Variants in RALYL observed in about 807,000 individuals in gnomAD.
The protein encoded by RALYL is RALY RNA binding protein like.
A neutral mutation model predicts 35.1 loss-of-function variants in RALYL; 29 were observed. That is an observed-to-expected ratio of 0.83 (90% CI 0.61 to 1.13). The LOEUF (loss-of-function observed/expected upper bound fraction) is 1.13, where lower values mean the gene tolerates loss of function less well. RALYL is among the 50% of genes most tolerant of loss of function. RALYL has a pLI of 0.00. For missense variants in RALYL, 359 were observed against 360.4 expected, an observed-to-expected ratio of 1.00 and a Z score of 0.03; for synonymous variants, 120 against 127.6, an observed-to-expected ratio of 0.94 and a Z score of 0.40.
intron 2 of RALYL, among the ~76,000 whole-genome samples, chr8:84,587,729 C>T (rs1252584613): frequency 6.6e-6 from 1 of 152,090 alleles, no homozygotes. Flanking sequence ...ATACAAAGAG[C>T]TGTTGAATGA....
At chr8:84,792,181 G>A (rs1319104937) in intron 3 of RALYL, among the ~76,000 whole-genome samples, 1 of 152,220 alleles carries the variant, frequency 6.6e-6, no homozygotes, top group Non-Finnish European at 1.5e-5. Context: ...TGGTACCCGG[G>A]TCCTTGTCCA....
At chr8:84,224,891 G>A (rs1222813157) in intron 1 of RALYL, among the ~76,000 whole-genome samples, 2 of 152,046 alleles carry the variant, frequency 1.3e-5, no homozygotes, top group South Asian at 2.1e-4. Flanking sequence ...TTCTGACCTC[G>A]TGCTCTGCCT....
intron 1 of RALYL, among the ~76,000 whole-genome samples, chr8:84,255,597 G>A (rs1409214350): frequency 6.6e-6 from 1 of 152,106 alleles, no homozygotes; most frequent in East Asian, 1.9e-4. Context: ...CCAGATTTAA[G>A]AGTCTGACAT....
chr8:84,328,030 G>A (rs1846134156), intron 1 of RALYL, among the ~76,000 whole-genome samples: 1 of 152,180 alleles, frequency 6.6e-6, no homozygotes, highest in Non-Finnish European at 1.5e-5. Flanking sequence ...TGAAAGCATG[G>A]ATGGGCTTTG....
At chr8:84,366,260 C>T (rs577520018) in intron 1 of RALYL, among the ~76,000 whole-genome samples, 52 of 152,220 alleles carry the variant, frequency 3.4e-4, no homozygotes, top group Non-Finnish European at 6.9e-4. Flanking sequence ...GCCATTAAAA[C>T]GTTGTATGAC....
intron 2 of RALYL, among the ~76,000 whole-genome samples, chr8:84,719,298 G>A (rs898165840): frequency 6.6e-6 from 1 of 152,168 alleles, no homozygotes; most frequent in Admixed American, 6.5e-5. Flanking sequence ...ACCTGTTGTA[G>A]CAACTAGAAA....
At chr8:84,760,316 C>T (rs1026994815) in intron 2 of RALYL, among the ~76,000 whole-genome samples, 5 of 151,750 alleles carry the variant, frequency 3.3e-5, no homozygotes, top group African/African-American at 9.7e-5. Context: ...AATTAGGAGA[C>T]CTATAGAACA....
chr8:84,704,439 A>C (rs1840776859), intron 2 of RALYL, among the ~76,000 whole-genome samples: 1 of 135,980 alleles, frequency 7.4e-6, no homozygotes, highest in African/African-American at 3.0e-5. Flanking sequence ...GCCCCCCAAT[A>C]CACACAGACA....
chr8:84,415,149 A>ATTCTGC (rs1403941770), intron 1 of RALYL, among the ~76,000 whole-genome samples: 1 of 139,854 alleles, frequency 7.2e-6, no homozygotes, highest in Non-Finnish European at 1.5e-5. Flanking sequence ...TCACTCTAAT[A>ATTCTGC]TTCTGCCTCT....
chr8:84,717,434 CAG>C (rs537098957), intron 2 of RALYL, among the ~76,000 whole-genome samples: 12 of 152,048 alleles, frequency 7.9e-5, no homozygotes, highest in Non-Finnish European at 1.8e-4. Context: ...AATTAATCAA[CAG>C]TTGTAGTAAT....
intron 1 of RALYL, among the ~76,000 whole-genome samples, chr8:84,209,348 A>G (rs1423538441): frequency 6.6e-6 from 1 of 152,114 alleles, no homozygotes; most frequent in Non-Finnish European, 1.5e-5. Flanking sequence ...AAAGCTTTTT[A>G]GTTTTACTTT....
intron 1 of RALYL, among the ~76,000 whole-genome samples, chr8:84,260,149 C>CT (rs900956858): frequency 7.9e-5 from 12 of 152,086 alleles, no homozygotes; most frequent in Admixed American, 3.3e-4. Flanking sequence ...ATTTCTGATA[C>CT]TTTTTTCTGT....
chr8:84,815,416 A>G (rs943606891), intron 4 of RALYL, among the ~76,000 whole-genome samples: 105 of 147,954 alleles, frequency 7.1e-4, no homozygotes, highest in African/African-American at 2.2e-3. Flanking sequence ...TACTATTTAT[A>G]TATTTATTAA....
intron 1 of RALYL, among the ~76,000 whole-genome samples, chr8:84,406,746 A>G (rs1451527077): frequency 6.6e-6 from 1 of 152,034 alleles, no homozygotes; most frequent in Admixed American, 6.6e-5. Flanking sequence ...TAAAATACCA[A>G]TACTTTCTGG....
intron 1 of RALYL, among the ~76,000 whole-genome samples, chr8:84,439,918 C>T (rs75023580): frequency 1.0e-3 from 153 of 152,126 alleles, no homozygotes; most frequent in Non-Finnish European, 1.7e-3. Flanking sequence ...TCACTGGTTA[C>T]CCAAGGTTCA....
At chr8:84,459,646 A>ACAGTGG (rs1023443708) in intron 1 of RALYL, among the ~76,000 whole-genome samples, 47 of 151,840 alleles carry the variant, frequency 3.1e-4, no homozygotes, top group African/African-American at 1.1e-3. Flanking sequence ...AAGGGAGAGG[A>ACAGTGG]CAGTGGATTG....
intron 1 of RALYL, among the ~76,000 whole-genome samples, chr8:84,381,688 C>T (rs188797834): frequency 1.2e-3 from 181 of 151,966 alleles, no homozygotes; most frequent in Middle Eastern, 3.4e-3. Context: ...ACTCAGACTG[C>T]AGTATTTACC....
In RALYL at chr8:84,253,176, GTTTTTTT is replaced by G. The variant is rs764942491; in HGVS notation, c.-24+68777_-24+68783del. 3.6e-4 allele frequency among the ~76,000 whole-genome samples: 19 copies of G among 52,846 alleles called. No homozygotes were observed. In the South Asian group the frequency reaches 3.8e-3, roughly 11 times the overall value. 34.7% of individuals were successfully genotyped at this position (52,846 alleles called of 152,430 possible). A position where few individuals can be genotyped will look rare whatever the true frequency, so the allele number is the denominator to read the frequency against. ...GTATGTGTCTGTGTGTAGTTCTGCA[GTTTTTTT>G]TTTTTTTTTTTTTTTTTTTTTTTTG... is the stretch of plus-strand genomic sequence containing the variant. On this transcript the variant is annotated intron_variant, in intron 1 of 8. Coordinates refer to ENST00000521268, the MANE Select transcript of RALYL (RefSeq NM_173848.7).
intron 3 of RALYL, among the ~76,000 whole-genome samples, chr8:84,793,829 C>T (rs900855604): frequency 6.6e-6 from 1 of 152,156 alleles, no homozygotes; most frequent in Non-Finnish European, 1.5e-5. Context: ...TAGAGAGGGG[C>T]TGTGGTTACC....
Sources: gnomAD v4.1 joint callset for allele counts (sites outside exome capture counted in the v4.1 genomes callset) on GRCh38, gnomAD v4.1.1 for gene constraint, MANE v1.5 for transcripts, NCBI Gene and HGNC (gene_info 2026-07-23, HGNC 2026-07-21) for gene names.